KCNK1: variants seen among roughly 807,000 people sequenced by gnomAD.
KCNK1 encodes the protein potassium two pore domain channel subfamily K member 1, also known as potassium channel subfamily K member 1.
KCNK1 carries 10 observed loss-of-function variants against 22.2 expected under a neutral mutation model. That is an observed-to-expected ratio of 0.45 (90% CI 0.28 to 0.76). KCNK1 has a LOEUF of 0.76. Ranked by LOEUF, KCNK1 falls within the 30% of genes least tolerant of loss-of-function variation. The pLI is 0.14. For synonymous variants in KCNK1, 200 were observed against 186.4 expected (o/e 1.07, Z -0.60); for missense variants, 378 against 421.0 (o/e 0.90, Z 0.89).
intron 1 of KCNK1, among the ~76,000 whole-genome samples, chr1:233,650,440 AG>A (rs1343627023): frequency 6.6e-6 from 1 of 152,224 alleles, no homozygotes; most frequent in Non-Finnish European, 1.5e-5. Context: ...CAGAGAACAG[AG>A]GGGAGCATAT....
At chr1:233,661,910 T>C (rs1658399286) in intron 1 of KCNK1, 2 of 152,234 alleles carry the variant, frequency 1.3e-5, no homozygotes, top group Non-Finnish European at 2.9e-5. Context: ...AGCTTATTCA[T>C]CACCGTGCAA....
intron 1 of KCNK1, among the ~76,000 whole-genome samples, chr1:233,655,288 C>G (rs1267698311): frequency 1.3e-5 from 2 of 152,138 alleles, no homozygotes; most frequent in Non-Finnish European, 2.9e-5. Flanking sequence ...TTGGAAGCCC[C>G]TTGACTTGTT....
intron 2 of KCNK1, among the ~76,000 whole-genome samples, chr1:233,668,233 T>C (rs1658533310): frequency 6.6e-6 from 1 of 152,178 alleles, no homozygotes; most frequent in Non-Finnish European, 1.5e-5. Flanking sequence ...TCACGTTTTC[T>C]AGCGAATCAT....
intron 1 of KCNK1, among the ~76,000 whole-genome samples, chr1:233,648,821 C>T (rs1446477971): frequency 6.6e-6 from 1 of 152,170 alleles, no homozygotes; most frequent in Non-Finnish European, 1.5e-5. Context: ...CCTGCCTTGG[C>T]CCCCCAAAGT....
intron 1 of KCNK1, among the ~76,000 whole-genome samples, chr1:233,656,142 A>G (rs1229516696): frequency 6.6e-6 from 1 of 152,254 alleles, no homozygotes; most frequent in Non-Finnish European, 1.5e-5. Flanking sequence ...CCAAAGGACC[A>G]TCAGGATGGC....
intron 1 of KCNK1, among the ~76,000 whole-genome samples, chr1:233,662,233 CT>C (rs1348210826): frequency 3.4e-5 from 4 of 116,732 alleles, no homozygotes; most frequent in Non-Finnish European, 3.6e-5. Context: ...GCTTCTTCTT[CT>C]TCTCCTTCTT....
At chr1:233,650,041 G>A (rs536109220) in intron 1 of KCNK1, 6 of 533,388 alleles carry the variant, frequency 1.1e-5, no homozygotes, top group Admixed American at 5.8e-5. Flanking sequence ...TTCCCTGAGA[G>A]TACACCAGGT....
intron 1 of KCNK1, among the ~76,000 whole-genome samples, chr1:233,632,914 A>T (rs1159370864): frequency 6.6e-6 from 1 of 152,088 alleles, no homozygotes; most frequent in African/African-American, 2.4e-5. Context: ...ATGTAAAGAC[A>T]TTCGGAAGGA....
At position 233,671,468 on chromosome 1, in the gene KCNK1, CA is replaced by C. The variant is rs755030248; in HGVS notation, c.953del (p.Asn318MetfsTer56). Reference sequence around the variant, plus strand: ...AGCTGGCATGAAAGAGGACCAGAAGCAAAATGAGCCTTTTGTGGCCACCCAG... The same window carrying C: ...AGCTGGCATGAAAGAGGACCAGAAGCAAATGAGCCTTTTGTGGCCACCCAG... ...QAAGMKEDQK[Q>X]NEPFVATQSS... On this transcript the variant is annotated frameshift_variant, in exon 3 of 3. Coordinates refer to ENST00000366621, the MANE Select transcript of KCNK1 (RefSeq NM_002245.4). LOFTEE classifies it low-confidence loss of function (END_TRUNC). 3 of 1,614,056 alleles carry C rather than the reference CA, an allele frequency of 1.9e-6. No individual in the cohort carries two copies. Among genetic ancestry groups the C allele is most frequent in the Non-Finnish European group, 2.5e-6 (3 of 1,180,030 alleles).
chr1:233,657,668 AAAG>A (rs1323693600), intron 1 of KCNK1, among the ~76,000 whole-genome samples: 5 of 151,252 alleles, frequency 3.3e-5, no homozygotes, highest in African/African-American at 7.3e-5. Flanking sequence ...AGACGAAAGA[AAAG>A]AAAGAAAGAG....
intron 1 of KCNK1, among the ~76,000 whole-genome samples, chr1:233,656,690 C>T (rs1658305410): frequency 6.6e-6 from 1 of 152,224 alleles, no homozygotes; most frequent in Non-Finnish European, 1.5e-5. Context: ...ATGATCATGG[C>T]TCACTGCAGC....
chr1:233,626,330 G>A (rs1657689094), intron 1 of KCNK1, among the ~76,000 whole-genome samples: 1 of 152,166 alleles, frequency 6.6e-6, no homozygotes, highest in Non-Finnish European at 1.5e-5. Context: ...GCCATGGAAG[G>A]AGAAGGTGTT....
At chr1:233,670,864 CTT>C (rs1309896546) in intron 2 of KCNK1, among the ~76,000 whole-genome samples, 1 of 152,172 alleles carries the variant, frequency 6.6e-6, no homozygotes, top group South Asian at 2.1e-4. Context: ...AAAACAAAAA[CTT>C]TTCTAAAACA....
At chr1:233,663,009 A>G (rs546300542) in intron 1 of KCNK1, among the ~76,000 whole-genome samples, 22 of 152,328 alleles carry the variant, frequency 1.4e-4, no homozygotes, top group African/African-American at 3.6e-4. Flanking sequence ...TGAAGGTTCA[A>G]TTGACTGGAC....
At chr1:233,662,182 G>A (rs183951671) in intron 1 of KCNK1, among the ~76,000 whole-genome samples, 4 of 152,218 alleles carry the variant, frequency 2.6e-5, no homozygotes, top group African/African-American at 7.2e-5. Flanking sequence ...TCTCTGCTGA[G>A]GTGGAGAGGC....
intron 1 of KCNK1, among the ~76,000 whole-genome samples, chr1:233,625,502 G>C (rs1657673533): frequency 6.6e-6 from 1 of 152,142 alleles, no homozygotes. Flanking sequence ...TGAGGGGTGA[G>C]AGATAGGAGG....
At chr1:233,662,886 T>C (rs1465437180) in intron 1 of KCNK1, among the ~76,000 whole-genome samples, 1 of 152,194 alleles carries the variant, frequency 6.6e-6, no homozygotes, top group Non-Finnish European at 1.5e-5. Flanking sequence ...CTTAAAAAAA[T>C]GTAACCCAAG....
At chr1:233,653,328 G>C (rs1455357201) in intron 1 of KCNK1, among the ~76,000 whole-genome samples, 1 of 152,164 alleles carries the variant, frequency 6.6e-6, no homozygotes, top group Non-Finnish European at 1.5e-5. Context: ...TTCAATTACA[G>C]ATATCCCCTG....
At chr1:233,669,353 C>T (rs1658555812) in intron 2 of KCNK1, among the ~76,000 whole-genome samples, 1 of 152,162 alleles carries the variant, frequency 6.6e-6, no homozygotes, top group Admixed American at 6.5e-5. Context: ...CCTTGCATAA[C>T]ATTTTATCAC....
Sources: allele counts gnomAD v4.1 joint callset (sites outside exome capture counted in the v4.1 genomes callset), GRCh38; gene constraint gnomAD v4.1.1; transcripts MANE v1.5; gene names NCBI Gene and HGNC (gene_info 2026-07-23, HGNC 2026-07-21).